Variants in CSMD3 observed in about 807,000 individuals in gnomAD.
CSMD3 encodes CUB and sushi domain-containing protein 3.
CSMD3 carries 177 observed loss-of-function variants against 435.2 expected under a neutral mutation model. The observed-to-expected ratio is 0.41, with a 90% CI of 0.36 to 0.46. The LOEUF (loss-of-function observed/expected upper bound fraction) is 0.46, where lower values mean the gene tolerates loss of function less well. CSMD3 is among the 20% of genes least tolerant of loss of function. CSMD3 has a pLI of 0.34. For synonymous variants in CSMD3, 1,656 were observed against 1,520.5 expected (o/e 1.09, Z -2.07); for missense variants, 4,265 against 4,504.6 (o/e 0.95, Z 1.52).
intron 5 of CSMD3, among the ~76,000 whole-genome samples, chr8:113,093,833 ATTC>A (rs1048027148): frequency 1.4e-3 from 206 of 152,244 alleles, no homozygotes; most frequent in African/African-American, 4.7e-3. Flanking sequence ...ACCTTATTGC[ATTC>A]TTAATTTGAA....
chr8:112,385,465 T>G (rs1027218701), intron 36 of CSMD3, among the ~76,000 whole-genome samples: 22 of 152,196 alleles, frequency 1.4e-4, no homozygotes, highest in Non-Finnish European at 2.4e-4. Flanking sequence ...ATCTTCAGTT[T>G]TCCAATGAAG....
At chr8:112,663,726 T>C (rs2075447147) in intron 17 of CSMD3, among the ~76,000 whole-genome samples, 1 of 152,226 alleles carries the variant, frequency 6.6e-6, no homozygotes, top group South Asian at 2.1e-4. Flanking sequence ...CAAGAAAATT[T>C]AGAACAGTGT....
intron 59 of CSMD3, among the ~76,000 whole-genome samples, chr8:112,273,268 T>A (rs183982240): frequency 7.1e-6 from 1 of 141,260 alleles, no homozygotes; most frequent in Non-Finnish European, 1.6e-5. Flanking sequence ...ATAAACAAAA[T>A]TGTTATTCAT....
chr8:112,367,777 A>G lies in CSMD3; in HGVS notation c.6136+12575T>C, dbSNP rs185202007. The stretch of plus-strand genomic sequence containing the variant: ...TAAAATTCAAAACTTTTGTTACTCT[A>G]AAAATCCAAGTCCTTCAATGAGGCT... On this transcript the variant is annotated intron_variant, in intron 38 of 70. Transcript: ENST00000297405. Among the ~76,000 whole-genome samples the G allele has an allele frequency of 1.0e-3, 155 of 152,290 alleles. 1 individual carries two copies. The highest frequency in any genetic ancestry group is 3.6e-3 in the African/African-American group (151 of 41,574).
chr8:113,230,879 T>C (rs575069691), intron 3 of CSMD3, among the ~76,000 whole-genome samples: 1 of 151,664 alleles, frequency 6.6e-6, no homozygotes, highest in African/African-American at 2.4e-5. Context: ...TTTATAATAA[T>C]ACTAATTGTG....
At chr8:112,983,492 A>C (rs544353028) in intron 6 of CSMD3, among the ~76,000 whole-genome samples, 1 of 151,200 alleles carries the variant, frequency 6.6e-6, no homozygotes, top group African/African-American at 2.4e-5. Context: ...TGTTCTTAAG[A>C]ATTAAGTATT....
At chr8:112,931,372 C>A (rs2083102135) in intron 9 of CSMD3, among the ~76,000 whole-genome samples, 2 of 151,726 alleles carry the variant, frequency 1.3e-5, no homozygotes, top group African/African-American at 4.8e-5. Context: ...ATAAATGGTG[C>A]TGGGAAAACT....
At chr8:112,583,519 A>T (rs1830487792) in intron 23 of CSMD3, among the ~76,000 whole-genome samples, 1 of 151,978 alleles carries the variant, frequency 6.6e-6, no homozygotes, top group African/African-American at 2.4e-5. Context: ...TATATTCCTT[A>T]AAGCTGCAGT....
At chr8:112,810,707 G>A (rs972742811) in intron 12 of CSMD3, among the ~76,000 whole-genome samples, 17 of 151,964 alleles carry the variant, frequency 1.1e-4, no homozygotes, top group African/African-American at 4.1e-4. Flanking sequence ...TTGGAAAAAT[G>A]AAATAAATGC....
intron 30 of CSMD3, among the ~76,000 whole-genome samples, chr8:112,502,676 T>A (rs1027977482): frequency 3.3e-5 from 5 of 152,066 alleles, no homozygotes; most frequent in Non-Finnish European, 5.9e-5. Context: ...TATTTGATTT[T>A]TTAAAGTAAG....
intron 40 of CSMD3, among the ~76,000 whole-genome samples, chr8:112,349,200 A>C (rs62514417): frequency 0.2 from 30,913 of 152,082 alleles, 3,711 homozygotes; most frequent in East Asian, 0.4. Context: ...TGAGAAATAA[A>C]CTTTTAACGA....
chr8:112,986,243 A>T lies in CSMD3; in HGVS notation c.1031-10095T>A, dbSNP rs148788256. ...TATAAAAATGTTTCTTTTCTATCTG[A>T]AATTAAAATTCAACTGGGCATTCTG... is the stretch of plus-strand genomic sequence containing the variant. On this transcript the variant is annotated intron_variant, in intron 6 of 70. Transcript: ENST00000297405. Among the ~76,000 whole-genome samples the T allele has an allele frequency of 6.6e-3, 1,012 of 152,314 alleles. 12 individuals carry two copies. The highest frequency in any genetic ancestry group is 0.023 in the African/African-American group (970 of 41,576).
chr8:112,591,190 T>C (rs7462424), intron 22 of CSMD3, among the ~76,000 whole-genome samples: 87,492 of 151,886 alleles, frequency 0.58, 25,776 homozygotes, highest in African/African-American at 0.69. Flanking sequence ...ATATAAAATA[T>C]TTTTTTATTT....
intron 59 of CSMD3, among the ~76,000 whole-genome samples, chr8:112,268,993 C>G (rs991552159): frequency 3.9e-5 from 6 of 152,152 alleles, no homozygotes; most frequent in Non-Finnish European, 7.3e-5. Flanking sequence ...TGCAATATAT[C>G]TCTGGCATCT....
At chr8:112,238,735 AGT>A (rs977031359) in intron 66 of CSMD3, among the ~76,000 whole-genome samples, 1 of 151,816 alleles carries the variant, frequency 6.6e-6, no homozygotes, top group African/African-American at 2.4e-5. Flanking sequence ...AAAAATTATA[AGT>A]GTTGAATTTG....
At chr8:112,821,292 C>A (rs932096951) in intron 12 of CSMD3, among the ~76,000 whole-genome samples, 5 of 152,162 alleles carry the variant, frequency 3.3e-5, no homozygotes, top group Non-Finnish European at 7.3e-5. Context: ...ATTCCTATTT[C>A]TCCAAGCTTC....
Position 112,649,474 on chromosome 8 carries a change from A to G in CSMD3, c.3193+687T>C, listed in dbSNP as rs567330692. Among the ~76,000 whole-genome samples the G allele has an allele frequency of 3.9e-5, 6 of 152,334 alleles. No homozygotes were observed. In the South Asian group the frequency reaches 1.0e-3, roughly 26 times the overall value. ...GTGTAGAATTTGAAAATAGTACTGT[A>G]AATAGAAATTAAAACCCATAGTTAA... On this transcript the variant is annotated intron_variant, in intron 19 of 70. Coordinates refer to ENST00000297405, the MANE Select transcript of CSMD3 (RefSeq NM_198123.2).
chr8:113,073,784 T>C (rs914937530), intron 5 of CSMD3, among the ~76,000 whole-genome samples: 15 of 151,784 alleles, frequency 9.9e-5, no homozygotes, highest in African/African-American at 3.6e-4. Flanking sequence ...CTTTCACAAT[T>C]CTTGACAGCA....
At position 112,254,668 on chromosome 8, in the gene CSMD3, C is replaced by T. The variant is rs1815616385; in HGVS notation, c.10037-342G>A. Among the ~76,000 whole-genome samples the T allele has an allele frequency of 3.3e-5, 5 of 152,046 alleles. No individual in the cohort carries two copies. In the South Asian group the frequency reaches 1.0e-3, roughly 31 times the overall value. On this transcript the variant is annotated intron_variant, in intron 62 of 70. Transcript: ENST00000297405. ...ATATAACATTTGTCCAAAGACCTTG[C>T]TAAACTATGATTTGGGGTAGGGTAA...
Sources: gnomAD v4.1 joint callset for allele counts (sites outside exome capture counted in the v4.1 genomes callset) on GRCh38, gnomAD v4.1.1 for gene constraint, MANE v1.5 for transcripts, NCBI Gene and HGNC (gene_info 2026-07-23, HGNC 2026-07-21) for gene names.